DAAM2: variants seen among roughly 807,000 people sequenced by gnomAD.
DAAM2 encodes dishevelled associated activator of morphogenesis 2.
Under a neutral mutation model 120.7 loss-of-function variants are expected in DAAM2, and 39 were observed. That is an observed-to-expected ratio of 0.32 (90% CI 0.25 to 0.42). The LOEUF is 0.42. Ranked by LOEUF, DAAM2 falls within the 10% of genes least tolerant of loss-of-function variation. DAAM2 has a pLI of 1.00. For missense variants in DAAM2, 1,283 were observed against 1,401.7 expected (o/e 0.92, Z 1.35); for synonymous variants, 488 against 524.9 (o/e 0.93, Z 0.96).
chr6:39,855,527 T>C (rs1269440471), intron 1 of DAAM2, among the ~76,000 whole-genome samples: 2 of 152,214 alleles, frequency 1.3e-5, no homozygotes, highest in African/African-American at 4.8e-5. Context: ...TGATCAGTCC[T>C]ATTTCTGTAC....
intron 1 of DAAM2, among the ~76,000 whole-genome samples, chr6:39,792,672 G>A (rs1005805761): frequency 6.6e-6 from 1 of 152,332 alleles, no homozygotes; most frequent in South Asian, 2.1e-4. Context: ...CAGGGCCTGT[G>A]TGTGTGTGAG....
rs1381491965 is a variant in DAAM2, at chr6:39,904,517, G to T, written c.*2480G>T. 1 of 454,218 alleles carries T rather than the reference G, an allele frequency of 2.2e-6. No individual in the cohort carries two copies. The highest frequency in any genetic ancestry group is 2.0e-5 in the African/African-American group (1 of 50,000). 28.1% of individuals were successfully genotyped at this position (454,218 alleles called of 1,614,324 possible). A position where few individuals can be genotyped will look rare whatever the true frequency, so the allele number is the denominator to read the frequency against. On this transcript the variant is annotated 3_prime_UTR_variant, in exon 25 of 25. Transcript: ENST00000274867. ...TTCTCTAGCTAATTTTGTGGCCAAT[G>T]TAAAATTCGTCATCAACCTAACAAA...
chr6:39,815,953 T>C (rs1255013646), intron 1 of DAAM2, among the ~76,000 whole-genome samples: 1 of 152,218 alleles, frequency 6.6e-6, no homozygotes, highest in Non-Finnish European at 1.5e-5. Context: ...CAGTTCACTT[T>C]GCAAATCCAA....
intron 3 of DAAM2, among the ~76,000 whole-genome samples, chr6:39,863,953 C>T (rs1273826972): frequency 2.0e-5 from 3 of 152,106 alleles, no homozygotes; most frequent in Non-Finnish European, 4.4e-5. Context: ...CAAGTGTTTT[C>T]TATTAGTGTT....
intron 16 of DAAM2, chr6:39,887,810 C>G (rs112007776): frequency 5.9e-6 from 3 of 507,944 alleles, no homozygotes; most frequent in Non-Finnish European, 1.1e-5. Flanking sequence ...GCCTGGTCAG[C>G]GTCTGGCAGC....
chr6:39,887,344 CCT>C, intron 15 of DAAM2, 140 bp from the exon 16 acceptor site: 1 of 605,980 alleles, frequency 1.7e-6, no homozygotes, highest in Non-Finnish European at 2.9e-6. Context: ...TATCCACCCT[CCT>C]CTCTCTCCTG....
chr6:39,821,598 T>C (rs1408221651), intron 1 of DAAM2: 1 of 152,148 alleles, frequency 6.6e-6, no homozygotes, highest in East Asian at 1.9e-4. Context: ...GAGACAGAGG[T>C]GGGGACTGGG....
chr6:39,823,810 C>T (rs73734909), intron 1 of DAAM2, among the ~76,000 whole-genome samples: 9,877 of 152,222 alleles, frequency 0.065, 387 homozygotes, highest in Middle Eastern at 0.075. Flanking sequence ...CTTTCTGGAT[C>T]GGATGTCCTG....
chr6:39,864,138 C>A (rs899069251), intron 3 of DAAM2, among the ~76,000 whole-genome samples: 4 of 152,042 alleles, frequency 2.6e-5, no homozygotes, highest in Non-Finnish European at 5.9e-5. Context: ...ACAAGCTGAG[C>A]AAACAGAACA....
In DAAM2 at chr6:39,901,717, T is replaced by C; in HGVS notation, c.2983-96T>C. 8.3e-7 allele frequency: 1 copy of C among 1,206,982 alleles called. No individual in the cohort carries two copies. Among genetic ancestry groups the C allele is most frequent in the Non-Finnish European group, 1.1e-6 (1 of 888,468 alleles). The allele number at this position is 1,206,982 out of a possible 1,614,324, so 74.8% of individuals were successfully genotyped here. On this transcript the variant is annotated intron_variant, in intron 24 of 24. Coordinates refer to ENST00000274867, the MANE Select transcript of DAAM2 (RefSeq NM_001201427.2). This position sits in a 1 kb window ranked among gnomAD's most constrained non-coding sequence, Gnocchi z 4.5. Reference sequence around the variant, plus strand: ...GGCCAACAGATACAGGCAGGCAGCATGACCATGGCCTAGGAGTTAGCCCAG... The same window carrying C: ...GGCCAACAGATACAGGCAGGCAGCACGACCATGGCCTAGGAGTTAGCCCAG...
At chr6:39,896,668 T>A (rs1389567569) in intron 19 of DAAM2, 144 bp from the exon 20 acceptor site, 3 of 573,694 alleles carry the variant, frequency 5.2e-6, no homozygotes, top group Non-Finnish European at 8.2e-6. Flanking sequence ...TGCTGAGGAG[T>A]AGGTATAATC....
chr6:39,852,401 C>T (rs1009926358), intron 1 of DAAM2, among the ~76,000 whole-genome samples: 1 of 152,166 alleles, frequency 6.6e-6, no homozygotes, highest in African/African-American at 2.4e-5. Flanking sequence ...AGCTCAGAGC[C>T]CAGGGAAAAG....
intron 19 of DAAM2, 147 bp downstream of exon 19, chr6:39,891,869 AATG>A: frequency 1.6e-6 from 1 of 644,660 alleles, no homozygotes; most frequent in Non-Finnish European, 2.7e-6. Flanking sequence ...CAAAATCTAA[AATG>A]ATGATTATTA....
intron 1 of DAAM2, among the ~76,000 whole-genome samples, chr6:39,825,704 T>C (rs6918244): frequency 0.24 from 36,135 of 152,034 alleles, 4,438 homozygotes; most frequent in South Asian, 0.37. Context: ...GGGACTGGCT[T>C]TCTGCACCCC....
At chr6:39,874,502 G>T (rs1342003309) in intron 10 of DAAM2, among the ~76,000 whole-genome samples, 2 of 152,172 alleles carry the variant, frequency 1.3e-5, no homozygotes, top group Admixed American at 6.5e-5. Flanking sequence ...TGTGTTTCCT[G>T]TTCCATGGGC....
intron 8 of DAAM2, 144 bp downstream of exon 8, chr6:39,870,587 G>T (rs887090078): frequency 3.9e-5 from 25 of 646,762 alleles, no homozygotes; most frequent in Non-Finnish European, 6.4e-5. Context: ...CTCTGTGGGG[G>T]GAAGGGGTGC....
At chr6:39,876,421 T>C (rs1764869966) in intron 11 of DAAM2, among the ~76,000 whole-genome samples, 1 of 152,200 alleles carries the variant, frequency 6.6e-6, no homozygotes. Flanking sequence ...GTTGGACAAG[T>C]GCAACTGGGA....
chr6:39,792,418 G>C lies in DAAM2; in HGVS notation c.-104G>C, dbSNP rs535079778. 3 of 152,294 alleles carry C rather than the reference G, an allele frequency of 2.0e-5. No homozygotes were observed. The East Asian group carries it at 5.8e-4, about 30-fold the overall frequency. 9.4% of individuals were successfully genotyped at this position (152,294 alleles called of 1,614,324 possible). On this transcript the variant is annotated 5_prime_UTR_variant, in exon 1 of 25. Transcript: ENST00000274867. The stretch of plus-strand genomic sequence containing the variant: ...AGCAGCGAGCGGAGCGCGGGCGGCG[G>C]CGCCGTACCTCGGGCTGCGGGAGCG...
At chr6:39,859,337 T>C (rs1764124003) in intron 2 of DAAM2, among the ~76,000 whole-genome samples, 1 of 152,230 alleles carries the variant, frequency 6.6e-6, no homozygotes, top group East Asian at 1.9e-4. Context: ...CCTTTTCCTT[T>C]TATTTCTGAT....
Sources: allele counts gnomAD v4.1 joint callset (sites outside exome capture counted in the v4.1 genomes callset), GRCh38; gene constraint gnomAD v4.1.1; non-coding constraint Gnocchi (gnomAD v3.1); transcripts MANE v1.5; gene names NCBI Gene and HGNC (gene_info 2026-07-23, HGNC 2026-07-21).